PPFIA2: variants seen among roughly 807,000 people sequenced by gnomAD.
The protein encoded by PPFIA2 is PPFI scaffold protein A2.
Under a neutral mutation model 175.5 loss-of-function variants are expected in PPFIA2, and 46 were observed. That is an observed-to-expected ratio of 0.26 (90% CI 0.21 to 0.34). The LOEUF (loss-of-function observed/expected upper bound fraction) is 0.34, where lower values mean the gene tolerates loss of function less well. Among genes scored for constraint, PPFIA2 ranks in the 10% least tolerant of loss-of-function variants. PPFIA2 has a pLI of 1.00. For missense variants in PPFIA2, 1,179 were observed against 1,506.1 expected, an observed-to-expected ratio of 0.78 and a Z score of 3.60; for synonymous variants, 568 against 511.4, an observed-to-expected ratio of 1.11 and a Z score of -1.49.
chr12:81,333,526 CAGAGT>C (rs1259043099), intron 21 of PPFIA2, among the ~76,000 whole-genome samples: 1 of 152,114 alleles, frequency 6.6e-6, no homozygotes, highest in African/African-American at 2.4e-5. Flanking sequence ...TTTATCATAG[CAGAGT>C]AGAGTAGAAA....
At chr12:81,398,114 C>T (rs954935180) in intron 8 of PPFIA2, among the ~76,000 whole-genome samples, 1 of 152,014 alleles carries the variant, frequency 6.6e-6, no homozygotes, top group African/African-American at 2.4e-5. Context: ...CTGAAACCAT[C>T]CCCAACCACA....
intron 4 of PPFIA2, among the ~76,000 whole-genome samples, chr12:81,487,106 T>C (rs1181977147): frequency 6.6e-6 from 1 of 151,930 alleles, no homozygotes; most frequent in Non-Finnish European, 1.5e-5. Context: ...TAGCACAGTG[T>C]GTTAAGCTTT....
At chr12:81,377,042 C>G (rs1192460276) in intron 9 of PPFIA2, among the ~76,000 whole-genome samples, 2 of 151,430 alleles carry the variant, frequency 1.3e-5, no homozygotes, top group African/African-American at 2.4e-5. Flanking sequence ...ATGTCCTAAT[C>G]TAATATAATA....
At chr12:81,462,161 A>C (rs548007647) in intron 4 of PPFIA2, among the ~76,000 whole-genome samples, 1 of 150,138 alleles carries the variant, frequency 6.7e-6, no homozygotes, top group East Asian at 2.0e-4. Flanking sequence ...CAGATATAAT[A>C]TTCTTTTTTA....
At chr12:81,710,782 C>G (rs140987095) in intron 3 of PPFIA2, among the ~76,000 whole-genome samples, 58 of 151,710 alleles carry the variant, frequency 3.8e-4, no homozygotes, top group African/African-American at 1.2e-3. Flanking sequence ...CACATGAGGT[C>G]AGGTATGGAA....
chr12:81,559,783 C>A (rs993480782), intron 4 of PPFIA2, among the ~76,000 whole-genome samples: 1 of 148,832 alleles, frequency 6.7e-6, no homozygotes, highest in African/African-American at 2.5e-5. Context: ...TTACCCAATG[C>A]TTTTTACATG....
chr12:81,373,231 A>G (rs17008448), intron 11 of PPFIA2, among the ~76,000 whole-genome samples: 10,579 of 151,832 alleles, frequency 0.07, 531 homozygotes, highest in African/African-American at 0.14. Context: ...CAATTTTACA[A>G]AAGTTATTTT....
At chr12:81,702,344 G>A (rs1265091576) in intron 3 of PPFIA2, among the ~76,000 whole-genome samples, 4 of 152,060 alleles carry the variant, frequency 2.6e-5, no homozygotes, top group Admixed American at 6.6e-5. Context: ...GCCATTGACT[G>A]CCAAATTTTT....
intron 4 of PPFIA2, among the ~76,000 whole-genome samples, chr12:81,582,246 T>A (rs2074527399): frequency 6.6e-6 from 1 of 151,790 alleles, no homozygotes; most frequent in Non-Finnish European, 1.5e-5. Context: ...AATCAAAGAG[T>A]CTTGCTTTTG....
Position 81,352,469 on chromosome 12 carries a change from C to A in PPFIA2, c.1994+650G>T, listed in dbSNP as rs548066463. On this transcript the variant is annotated intron_variant, in intron 17 of 32. Coordinates refer to ENST00000549396, the MANE Select transcript of PPFIA2 (RefSeq NM_003625.5). ...CTCCCCCCACTGTCTTTCTGCCTCC[C>A]ACTGCCTGCCTCACTTTCCCTTTCC... Among the ~76,000 whole-genome samples, 8 of 151,772 alleles carry A rather than the reference C, an allele frequency of 5.3e-5. No individual in the cohort carries two copies. In the East Asian group the frequency reaches 9.9e-4, roughly 19 times the overall value.
chr12:81,674,917 A>G (rs536466126), intron 4 of PPFIA2, among the ~76,000 whole-genome samples: 1 of 152,094 alleles, frequency 6.6e-6, no homozygotes, highest in African/African-American at 2.4e-5. Flanking sequence ...TGTTCTAGAT[A>G]GCTCCTTAAC....
In PPFIA2 at chr12:81,730,365, T is replaced by C. The variant is rs148457571; in HGVS notation, c.249+23608A>G. ...AGTTTAAATGACTCACAGTTCCACATTGCTGGGGAGGCCTCAGGAAATTTA... is the reference window on the plus strand; with the variant it reads ...AGTTTAAATGACTCACAGTTCCACACTGCTGGGGAGGCCTCAGGAAATTTA... On this transcript the variant is annotated intron_variant, in intron 3 of 32. Coordinates refer to ENST00000549396, the MANE Select transcript of PPFIA2 (RefSeq NM_003625.5). Among the ~76,000 whole-genome samples the C allele has an allele frequency of 4.6e-5, 7 of 151,734 alleles. No homozygotes were observed. The East Asian group carries it at 1.4e-3, about 30-fold the overall frequency.
intron 8 of PPFIA2, among the ~76,000 whole-genome samples, chr12:81,397,269 G>C: frequency 6.6e-6 from 1 of 151,906 alleles, no homozygotes; most frequent in East Asian, 1.9e-4. Context: ...AAGAAAGAAA[G>C]AGAAGAAGAG....
At chr12:81,669,514 T>G (rs2071016517) in intron 4 of PPFIA2, among the ~76,000 whole-genome samples, 1 of 151,898 alleles carries the variant, frequency 6.6e-6, no homozygotes, top group South Asian at 2.1e-4. Context: ...TATATTCTAG[T>G]AGAAAAATAT....
intron 22 of PPFIA2, among the ~76,000 whole-genome samples, chr12:81,318,668 G>A (rs2052964600): frequency 6.6e-6 from 1 of 151,648 alleles, no homozygotes; most frequent in African/African-American, 2.4e-5. Flanking sequence ...GTTTCACTTA[G>A]TCATCATCAA....
intron 5 of PPFIA2, among the ~76,000 whole-genome samples, chr12:81,454,632 G>A (rs1342580497): frequency 2.0e-5 from 3 of 152,004 alleles, no homozygotes; most frequent in African/African-American, 7.2e-5. Flanking sequence ...TCATTATACA[G>A]AAGGACTTTT....
chr12:81,452,862 G>C (rs1293786711), intron 5 of PPFIA2, among the ~76,000 whole-genome samples: 2 of 152,074 alleles, frequency 1.3e-5, no homozygotes, highest in Non-Finnish European at 2.9e-5. Flanking sequence ...ATGCAATTAT[G>C]TCTTCTTTTT....
In PPFIA2 at chr12:81,259,550, A is replaced by G. The variant is rs965665729; in HGVS notation, c.*144T>C. ...CAAAAATCACATTTTTCAGCTTTTA[A>G]TAAGTCATGACGTCATTATTTCCTT... On this transcript the variant is annotated 3_prime_UTR_variant, in exon 33 of 33. Coordinates refer to ENST00000549396, the MANE Select transcript of PPFIA2 (RefSeq NM_003625.5). The G allele has an allele frequency of 7.5e-7, 1 of 1,337,948 alleles. No homozygotes were observed. Among genetic ancestry groups the G allele is most frequent in the Admixed American group, 2.2e-5 (1 of 46,458 alleles). 82.9% of individuals were successfully genotyped at this position (1,337,948 alleles called of 1,614,324 possible).
At chr12:81,268,615 T>G (rs1455225153) in intron 28 of PPFIA2, among the ~76,000 whole-genome samples, 3 of 152,202 alleles carry the variant, frequency 2.0e-5, no homozygotes, top group Admixed American at 2.0e-4. Flanking sequence ...TTTTTCAGAG[T>G]GTTTGTTATA....
Sources: gnomAD v4.1 joint callset for allele counts (sites outside exome capture counted in the v4.1 genomes callset) on GRCh38, gnomAD v4.1.1 for gene constraint, MANE v1.5 for transcripts, NCBI Gene and HGNC (gene_info 2026-07-23, HGNC 2026-07-21) for gene names.